The following LIFR variants were observed in gnomAD, a reference collection of about 807,000 sequenced individuals.
LIFR encodes the protein leukemia inhibitory factor receptor.
Under a neutral mutation model 122.2 loss-of-function variants are expected in LIFR, and 84 were observed. The observed-to-expected ratio is 0.69, with a 90% CI of 0.58 to 0.82. The LOEUF is 0.82. Ranked by LOEUF, LIFR falls within the 40% of genes least tolerant of loss-of-function variation. The probability of loss-of-function intolerance (pLI) is 0.00; values close to 1 mark genes in which losing one functional copy is unlikely to be tolerated. For synonymous variants in LIFR, 422 were observed against 434.7 expected, an observed-to-expected ratio of 0.97 and a Z score of 0.36; for missense variants, 1,294 against 1,311.6, an observed-to-expected ratio of 0.99 and a Z score of 0.21.
Position 38,485,930 on chromosome 5 carries a change from G to C in LIFR, c.2386C>G (p.Leu796Val), listed in dbSNP as rs1744263385. The C allele has an allele frequency of 1.2e-6, 2 of 1,613,832 alleles. No homozygotes were observed. The highest frequency in any genetic ancestry group is 1.3e-5 in the African/African-American group (1 of 75,046). Residue 796 changes from leucine (L) to valine (V), a missense_variant, in exon 17 of 20, where the codon CTG becomes GTG. By Grantham distance (32) the Leu-to-Val change is conservative. Coordinates refer to ENST00000453190, the MANE Select transcript of LIFR (RefSeq NM_001127671.2). ...KNITDISQKT[L>V]RIADLQGKTS... ...TTACCTTGAAGATCAGCAATTCTCA[G>C]TGTCTTCTGGGATATGTCAGTAATA...
At chr5:38,504,691 G>C (rs954763087) in intron 9 of LIFR, among the ~76,000 whole-genome samples, 1 of 152,218 alleles carries the variant, frequency 6.6e-6, no homozygotes, top group Non-Finnish European at 1.5e-5. Context: ...TGTATGCCCA[G>C]TTGAGTGGCG....
chr5:38,593,192 G>T (rs1011761067), intron 1 of LIFR, among the ~76,000 whole-genome samples: 2 of 152,036 alleles, frequency 1.3e-5, no homozygotes, highest in African/African-American at 4.8e-5. Context: ...GACAGAGCTA[G>T]ACTCTGTCTC....
At chr5:38,555,005 CTA>C (rs1413815445) in intron 1 of LIFR, 1 of 152,162 alleles carries the variant, frequency 6.6e-6, no homozygotes, top group Non-Finnish European at 1.5e-5. Context: ...TCTCACTCAC[CTA>C]TTACAAAGCA....
In LIFR at chr5:38,510,341, G is replaced by A. The variant is rs118179751; in HGVS notation, c.991+123C>T. 1.6e-3 allele frequency: 1,523 copies of A among 926,306 alleles called. 26 individuals carry two copies. In the East Asian group the frequency reaches 0.034, roughly 21 times the overall value. 57.4% of individuals were successfully genotyped at this position (926,306 alleles called of 1,614,324 possible). On this transcript the variant is annotated intron_variant, in intron 7 of 19. Coordinates refer to ENST00000453190, the MANE Select transcript of LIFR (RefSeq NM_001127671.2). ...GCCTTTGTATAGCCTTTATATTAAA[G>A]AACAAAGAAATGAGAAAGAAACAGA...
chr5:38,530,396 T>C, intron 2 of LIFR, 110 bp downstream of exon 2: 2 of 924,458 alleles, frequency 2.2e-6, no homozygotes, highest in African/African-American at 3.3e-5. Context: ...AAAAAATGAA[T>C]TTTAACCAAC....
Position 38,481,198 on chromosome 5 carries a change from C to A in LIFR, c.*397G>T. On this transcript the variant is annotated 3_prime_UTR_variant, in exon 20 of 20. Transcript: ENST00000453190. ...TGTTACTTGGACATTTTCTCCCTGGCCTGCAAATCCACTTACAATTCCACC... is the reference window on the plus strand; with the variant it reads ...TGTTACTTGGACATTTTCTCCCTGGACTGCAAATCCACTTACAATTCCACC... 1 of 281,066 alleles carries A rather than the reference C, an allele frequency of 3.6e-6. No homozygotes were observed. Among genetic ancestry groups the A allele is most frequent in the Non-Finnish European group, 6.8e-6 (1 of 147,666 alleles). 17.4% of individuals were successfully genotyped at this position (281,066 alleles called of 1,614,324 possible). A position where few individuals can be genotyped will look rare whatever the true frequency, so the allele number is the denominator to read the frequency against.
chr5:38,587,374 G>A (rs552327200), intron 1 of LIFR, among the ~76,000 whole-genome samples: 11 of 152,106 alleles, frequency 7.2e-5, no homozygotes, highest in African/African-American at 2.6e-4. Context: ...ACAGGGAGGC[G>A]TTACTGGTGC....
In LIFR at chr5:38,510,656, T is replaced by C. The variant is rs891138920; in HGVS notation, c.799A>G (p.Ile267Val). ...TCTTGACTCACACAACAAAATGTTA[T>C]GTCTGAGCCTACAAGTATCACTTTA... ...QDKVILVGSD[I>V]TFCCVSQEKV... The change falls in exon 7 of 20, where the codon ATA becomes GTA. Residue 267 changes from isoleucine (I) to valine (V), a missense_variant. Coordinates refer to ENST00000453190, the MANE Select transcript of LIFR (RefSeq NM_001127671.2). 14 of 1,613,816 alleles carry C rather than the reference T, an allele frequency of 8.7e-6. No individual in the cohort carries two copies. Among genetic ancestry groups the C allele is most frequent in the Non-Finnish European group, 1.2e-5 (14 of 1,179,874 alleles).
chr5:38,517,856 C>CAA (rs572954936), intron 5 of LIFR, among the ~76,000 whole-genome samples: 297 of 14,890 alleles, frequency 0.02, 14 homozygotes, highest in East Asian at 0.082. Context: ...GACACTGTCT[C>CAA]AAAAAAAAAA....
intron 1 of LIFR, among the ~76,000 whole-genome samples, chr5:38,531,190 A>AAG: frequency 6.6e-6 from 1 of 152,334 alleles, no homozygotes; most frequent in South Asian, 2.1e-4. Context: ...AACAGTATGG[A>AAG]GATGTTGCAC....
At chr5:38,493,871 A>G in intron 13 of LIFR, 86 bp from the exon 14 acceptor site, 3 of 1,080,364 alleles carry the variant, frequency 2.8e-6, no homozygotes, top group Non-Finnish European at 4.3e-6. Context: ...AGTTAGAAAA[A>G]TCACTTCATT....
chr5:38,482,503 G>T, intron 19 of LIFR, 86 bp downstream of exon 19: 2 of 747,598 alleles, frequency 2.7e-6, no homozygotes, highest in South Asian at 3.7e-5. Context: ...TAATTAAAAT[G>T]ACATTTGCAT....
rs1021014288 is a variant in LIFR at position 38,481,157 on chromosome 5, G to A, written c.*438C>T. 4 of 267,320 alleles carry A rather than the reference G, an allele frequency of 1.5e-5. No homozygotes were observed. The highest frequency in any genetic ancestry group is 2.9e-5 in the Non-Finnish European group (4 of 138,826). 16.6% of individuals were successfully genotyped at this position (267,320 alleles called of 1,614,324 possible). On this transcript the variant is annotated 3_prime_UTR_variant, in exon 20 of 20. Coordinates refer to ENST00000453190, the MANE Select transcript of LIFR (RefSeq NM_001127671.2). ...TCATCTAGAAAGGAGTAAACGTCAG[G>A]CAAATAAACTTCACCTGTTACTTGG...
upstream of LIFR, among the ~76,000 whole-genome samples, chr5:38,560,730 G>A (rs557502182): frequency 6.4e-4 from 97 of 151,904 alleles, no homozygotes; most frequent in African/African-American, 2.2e-3. Context: ...TGAGTAGCTG[G>A]GATTACAGGT....
rs375876793 is a variant in LIFR, at chr5:38,508,257, T to C, written c.992-1625A>G. Among the ~76,000 whole-genome samples the C allele has an allele frequency of 7.3e-4, 111 of 152,296 alleles. No individual in the cohort carries two copies. The East Asian group carries it at 0.014, about 19-fold the overall frequency. On this transcript the variant is annotated intron_variant, in intron 7 of 19. Transcript: ENST00000453190. ...TAGGTATACATCAACTACATTTTTA[T>C]ATACCAGTCAATAGAAAATGCAATT...
rs1285559543 is a variant in LIFR, at chr5:38,476,628, T to A, written c.*4967A>T. 4.9e-6 allele frequency: 1 copy of A among 204,194 alleles called. No homozygotes were observed. Among genetic ancestry groups the A allele is most frequent in the African/African-American group, 2.3e-5 (1 of 43,654 alleles). 12.6% of individuals were successfully genotyped at this position (204,194 alleles called of 1,614,324 possible). Reference sequence around the variant, plus strand: ...CTTATCAATTAGACATTTTCCCCACTCACATCTCTTAGTTTTTAGGGTATT... The same window carrying A: ...CTTATCAATTAGACATTTTCCCCACACACATCTCTTAGTTTTTAGGGTATT... On this transcript the variant is annotated 3_prime_UTR_variant, in exon 20 of 20. Coordinates refer to ENST00000453190, the MANE Select transcript of LIFR (RefSeq NM_001127671.2).
In LIFR at chr5:38,493,756, T is replaced by A. The variant is rs143808825; in HGVS notation, c.1915A>T (p.Met639Leu). The part of the protein sequence containing the change: ...DDLKIEQVVG[M>L]GKGILLTWHY... ...CAGGTGAGGAGAATCCCCTTTCCCA[T>A]CCCAACAACTTGTTCTATTTTGAGA... Residue 639 changes from methionine (M) to leucine (L), a missense_variant, in exon 14 of 20, where the codon ATG (methionine) becomes TTG (leucine). By Grantham distance (15) the Met-to-Leu change is conservative. Coordinates refer to ENST00000453190, the MANE Select transcript of LIFR (RefSeq NM_001127671.2). 1,835 of 1,614,082 alleles carry A rather than the reference T, an allele frequency of 1.1e-3. 24 individuals carry two copies. In the South Asian group the frequency reaches 0.017, roughly 15 times the overall value.
At chr5:38,548,013 T>C (rs1396776047) in intron 1 of LIFR, among the ~76,000 whole-genome samples, 1 of 152,124 alleles carries the variant, frequency 6.6e-6, no homozygotes, top group African/African-American at 2.4e-5. Context: ...CCTAAACATC[T>C]TTCTATGGTA....
At chr5:38,526,170 CAGAT>C (rs1472851525) in intron 4 of LIFR, among the ~76,000 whole-genome samples, 2 of 152,146 alleles carry the variant, frequency 1.3e-5, no homozygotes, top group African/African-American at 2.4e-5. Flanking sequence ...TCTAGAAACT[CAGAT>C]AGGGAAGAAA....
Sources: gnomAD v4.1 joint callset for allele counts (sites outside exome capture counted in the v4.1 genomes callset) on GRCh38, gnomAD v4.1.1 for gene constraint, MANE v1.5 for transcripts, NCBI Gene and HGNC (gene_info 2026-07-23, HGNC 2026-07-21) for gene names.